The following MYOZ2 variants were observed in gnomAD, a reference collection of about 807,000 sequenced individuals.
The protein encoded by MYOZ2 is myozenin-2.
Under a neutral mutation model 25.4 loss-of-function variants are expected in MYOZ2, and 19 were observed. That is an observed-to-expected ratio of 0.75 (90% confidence interval 0.52 to 1.10). MYOZ2 has a LOEUF of 1.10. MYOZ2 is among the 50% of genes least tolerant of loss of function. MYOZ2 has a pLI of 0.00. For missense variants in MYOZ2, 270 were observed against 317.9 expected (o/e 0.85, Z 1.15); for synonymous variants, 92 against 106.9 (o/e 0.86, Z 0.86).
rs1275202967 is a variant in MYOZ2 at position 119,186,910 on chromosome 4, TTTC to T, written c.*711_*713del. The T allele has an allele frequency of 6.6e-6, 1 of 152,286 alleles. No individual in the cohort carries two copies. The highest frequency in any genetic ancestry group is 6.5e-5 in the Admixed American group (1 of 15,286). 9.4% of individuals were successfully genotyped at this position (152,286 alleles called of 1,614,324 possible). On this transcript the variant is annotated 3_prime_UTR_variant, in exon 6 of 6. Coordinates refer to ENST00000307128, the MANE Select transcript of MYOZ2 (RefSeq NM_016599.5). ...GACCAAGGTGTGCCCAGAATTCAAG[TTTC>T]ACAAATCCCAATGCTGTGCATTGAT...
rs551282388 is a variant in MYOZ2, at chr4:119,185,464, G to A, written c.561-502G>A. Among the ~76,000 whole-genome samples the A allele has an allele frequency of 2.5e-3, 380 of 152,170 alleles. 2 individuals carry two copies. Among genetic ancestry groups the A allele is most frequent in the Middle Eastern group, 6.8e-3 (2 of 294 alleles). ...TGAGTAGCTGGGATTTCAGGTGCCC[G>A]CCACCATGCCCGGCTAATTTTTGTA... On this transcript the variant is annotated intron_variant, in intron 5 of 5. Transcript: ENST00000307128.
intron 5 of MYOZ2, among the ~76,000 whole-genome samples, chr4:119,172,774 T>C (rs889156791): frequency 5.3e-5 from 8 of 152,214 alleles, no homozygotes; most frequent in Admixed American, 5.2e-4. Context: ...AGTTAAACCA[T>C]AAATTTCTCC....
chr4:119,154,659 C>T (rs1481753520), intron 3 of MYOZ2, among the ~76,000 whole-genome samples: 1 of 152,094 alleles, frequency 6.6e-6, no homozygotes, highest in African/African-American at 2.4e-5. Context: ...AAACATTACT[C>T]TTTGTGCATT....
chr4:119,139,288 G>A (rs1032282454), intron 2 of MYOZ2, among the ~76,000 whole-genome samples: 1 of 152,082 alleles, frequency 6.6e-6, no homozygotes, highest in East Asian at 1.9e-4. Flanking sequence ...AAGCTGTCCT[G>A]GTTACTCTTG....
intron 5 of MYOZ2, among the ~76,000 whole-genome samples, chr4:119,170,813 T>G (rs1425964066): frequency 6.6e-6 from 1 of 152,054 alleles, no homozygotes; most frequent in Non-Finnish European, 1.5e-5. Flanking sequence ...ACATCAAGCT[T>G]CAAGTTCAAG....
intron 5 of MYOZ2, among the ~76,000 whole-genome samples, chr4:119,170,095 C>A (rs1390735567): frequency 6.6e-6 from 1 of 151,980 alleles, no homozygotes; most frequent in African/African-American, 2.4e-5. Context: ...TAATGTCGTG[C>A]CACCATCACC....
chr4:119,176,997 G>T (rs1051113014), intron 5 of MYOZ2, among the ~76,000 whole-genome samples: 1 of 152,162 alleles, frequency 6.6e-6, no homozygotes, highest in African/African-American at 2.4e-5. Flanking sequence ...GGAGGCGGAG[G>T]TTGCAGTGAG....
rs750111712 is a variant in MYOZ2 at position 119,158,332 on chromosome 4, G to T, written c.376+181G>T. ...GCACTTTGGGAGACTGAGGTGGGTGGATCACCTGAGCCCACAAGTTTGAGA... is the reference window on the plus strand; with the variant it reads ...GCACTTTGGGAGACTGAGGTGGGTGTATCACCTGAGCCCACAAGTTTGAGA... On this transcript the variant is annotated intron_variant, in intron 4 of 5. Transcript: ENST00000307128. 2.3e-4 allele frequency among the ~76,000 whole-genome samples: 35 copies of T among 152,202 alleles called. 1 individual carries two copies. The highest frequency in any genetic ancestry group is 3.9e-4 in the Admixed American group (6 of 15,276).
At position 119,159,722 on chromosome 4, in the gene MYOZ2, T is replaced by C. The variant is rs570609274; in HGVS notation, c.376+1571T>C. ...TCAAATGTAATACTATTTTTGAAAATATGTAAATATTTTGAGATAATGTTA... is the reference window on the plus strand; with the variant it reads ...TCAAATGTAATACTATTTTTGAAAACATGTAAATATTTTGAGATAATGTTA... On this transcript the variant is annotated intron_variant, in intron 4 of 5. Coordinates refer to ENST00000307128, the MANE Select transcript of MYOZ2 (RefSeq NM_016599.5). Among the ~76,000 whole-genome samples the C allele has an allele frequency of 2.3e-4, 35 of 152,238 alleles. No homozygotes were observed. In the South Asian group the frequency reaches 2.7e-3, roughly 12 times the overall value.
chr4:119,164,807 C>G (rs1052752459), intron 5 of MYOZ2, among the ~76,000 whole-genome samples: 1 of 152,046 alleles, frequency 6.6e-6, no homozygotes, highest in Non-Finnish European at 1.5e-5. Flanking sequence ...CAGATTCTAT[C>G]TTACATTTTT....
chr4:119,177,818 T>C (rs1384688551), intron 5 of MYOZ2, among the ~76,000 whole-genome samples: 1 of 152,202 alleles, frequency 6.6e-6, no homozygotes, highest in Non-Finnish European at 1.5e-5. Flanking sequence ...TCATTTGTTT[T>C]TCTCTCTATT....
At chr4:119,142,410 T>C (rs1280642932) in intron 2 of MYOZ2, among the ~76,000 whole-genome samples, 1 of 152,218 alleles carries the variant, frequency 6.6e-6, no homozygotes, top group Non-Finnish European at 1.5e-5. Flanking sequence ...TGTTGAGGGA[T>C]ATTCATAGAC....
intron 4 of MYOZ2, among the ~76,000 whole-genome samples, chr4:119,162,978 T>A (rs1343793898): frequency 6.6e-6 from 1 of 152,344 alleles, no homozygotes; most frequent in African/African-American, 2.4e-5. Flanking sequence ...GTAGAGGGCT[T>A]GATTATTTTT....
At chr4:119,185,527 C>T (rs1742273510) in intron 5 of MYOZ2, among the ~76,000 whole-genome samples, 1 of 152,240 alleles carries the variant, frequency 6.6e-6, no homozygotes. Flanking sequence ...GTTGGCCAGG[C>T]TGATCTTGAA....
chr4:119,150,992 A>G lies in MYOZ2; in HGVS notation c.197A>G (p.Asp66Gly). Reference protein sequence around the residue: ...RLFKMRQRRSDKYTFENFQYQ... With the variant: ...RLFKMRQRRSGKYTFENFQYQ... Reference sequence around the variant, plus strand: ...TTTAAGATGCGTCAAAGAAGATCTGACAAATACACATTTGAAAATTTCCAG... The same window carrying G: ...TTTAAGATGCGTCAAAGAAGATCTGGCAAATACACATTTGAAAATTTCCAG... Residue 66 changes from aspartate (D) to glycine (G), a missense_variant, in exon 3 of 6, where the codon GAC becomes GGC. Asp to Gly is a moderately conservative substitution (Grantham distance 94). Coordinates refer to ENST00000307128, the MANE Select transcript of MYOZ2 (RefSeq NM_016599.5). 3 of 1,613,644 alleles carry G rather than the reference A, an allele frequency of 1.9e-6. No homozygotes were observed. The highest frequency in any genetic ancestry group is 2.5e-6 in the Non-Finnish European group (3 of 1,179,552).
intron 4 of MYOZ2, among the ~76,000 whole-genome samples, chr4:119,161,706 A>G (rs751827554): frequency 1.3e-5 from 2 of 152,144 alleles, no homozygotes; most frequent in Non-Finnish European, 2.9e-5. Context: ...AAAAGATTAC[A>G]TAACCATGGT....
intron 4 of MYOZ2, among the ~76,000 whole-genome samples, chr4:119,162,720 G>A (rs1012869102): frequency 1.3e-5 from 2 of 152,172 alleles, no homozygotes; most frequent in Admixed American, 1.3e-4. Flanking sequence ...ACAATAATAT[G>A]AGAGCCACTA....
intron 5 of MYOZ2, among the ~76,000 whole-genome samples, chr4:119,173,325 A>G (rs1741983461): frequency 6.6e-6 from 1 of 152,198 alleles, no homozygotes; most frequent in African/African-American, 2.4e-5. Flanking sequence ...CTGGGGAGAT[A>G]GATGCACAGG....
Position 119,145,542 on chromosome 4 carries a change from GTGTGTGTT to G in MYOZ2, c.77-5328_77-5321del, listed in dbSNP as rs760908584. Among the ~76,000 whole-genome samples the G allele has an allele frequency of 8.3e-3, 1,163 of 139,544 alleles. 9 individuals are homozygous for G. Among genetic ancestry groups the G allele is most frequent in the Middle Eastern group, 0.011 (3 of 276 alleles). The allele number at this position is 139,544 out of a possible 152,430, so 91.5% of individuals were successfully genotyped here. On this transcript the variant is annotated intron_variant, in intron 2 of 5. Coordinates refer to ENST00000307128, the MANE Select transcript of MYOZ2 (RefSeq NM_016599.5). ...TGTGTGTGTGTGTGTGTGTGTGTGT[GTGTGTGTT>G]TTTGGTAGAGACTTGGTTTCACCAT... is the stretch of plus-strand genomic sequence containing the variant.
Sources: allele counts gnomAD v4.1 joint callset (sites outside exome capture counted in the v4.1 genomes callset), GRCh38; gene constraint gnomAD v4.1.1; transcripts MANE v1.5; gene names NCBI Gene and HGNC (gene_info 2026-07-23, HGNC 2026-07-21).